ANKS1B: variants seen among roughly 807,000 people sequenced by gnomAD.
ANKS1B encodes the protein ankyrin repeat and sterile alpha motif domain containing 1B, also known as ankyrin repeat and sterile alpha motif domain-containing protein 1B.
In ANKS1B, 36 loss-of-function variants were observed where a neutral mutation model predicts 148.3. That is an observed-to-expected ratio of 0.24 (90% CI 0.19 to 0.32). The LOEUF is 0.32. Ranked by LOEUF, ANKS1B falls within the 10% of genes least tolerant of loss-of-function variation. ANKS1B has a pLI of 1.00. For synonymous variants in ANKS1B, 542 were observed against 560.8 expected, an observed-to-expected ratio of 0.97 and a Z score of 0.47; for missense variants, 1,157 against 1,542.6, an observed-to-expected ratio of 0.75 and a Z score of 4.19.
At chr12:98,884,843 G>A (rs1402181866) in intron 17 of ANKS1B, among the ~76,000 whole-genome samples, 2 of 151,834 alleles carry the variant, frequency 1.3e-5, no homozygotes, top group African/African-American at 4.8e-5. Context: ...TCTATTTGGG[G>A]AGTCTCTCAG....
chr12:99,906,024 G>T (rs1322370587), intron 1 of ANKS1B, among the ~76,000 whole-genome samples: 1 of 152,056 alleles, frequency 6.6e-6, no homozygotes, highest in African/African-American at 2.4e-5. Flanking sequence ...TTGGTTTCAG[G>T]GATATGTTAA....
chr12:99,830,251 T>C (rs2083756161), intron 1 of ANKS1B, among the ~76,000 whole-genome samples: 1 of 152,194 alleles, frequency 6.6e-6, no homozygotes, highest in Admixed American at 6.5e-5. Context: ...TAAATTACAA[T>C]ATAGGCAGTG....
At chr12:98,881,311 A>G (rs2099707436) in intron 17 of ANKS1B, among the ~76,000 whole-genome samples, 1 of 152,210 alleles carries the variant, frequency 6.6e-6, no homozygotes, top group Admixed American at 6.5e-5. Flanking sequence ...CAATCATTCC[A>G]GGTGGCTTTT....
intron 8 of ANKS1B, among the ~76,000 whole-genome samples, chr12:99,718,761 T>C (rs1388796990): frequency 6.6e-6 from 1 of 152,180 alleles, no homozygotes. Context: ...ATGCTTTCTT[T>C]ACTATGCCTT....
intron 15 of ANKS1B, among the ~76,000 whole-genome samples, chr12:99,142,140 G>C (rs2071070660): frequency 6.6e-6 from 1 of 151,988 alleles, no homozygotes. Flanking sequence ...CGGAAGCAGG[G>C]AGGGCTACAA....
intron 14 of ANKS1B, among the ~76,000 whole-genome samples, chr12:99,230,480 T>A (rs1224760500): frequency 1.3e-5 from 2 of 152,140 alleles, no homozygotes; most frequent in East Asian, 3.8e-4. Context: ...GTACCATTTT[T>A]AAACCATTGA....
chr12:99,665,525 C>A (rs1187559572), intron 8 of ANKS1B, among the ~76,000 whole-genome samples: 2 of 151,760 alleles, frequency 1.3e-5, no homozygotes, highest in African/African-American at 2.4e-5. Flanking sequence ...CTCTGTTGCC[C>A]AGGCTGGATG....
At chr12:99,580,841 G>A (rs188745299) in intron 9 of ANKS1B, among the ~76,000 whole-genome samples, 41 of 152,216 alleles carry the variant, frequency 2.7e-4, no homozygotes, top group Non-Finnish European at 5.3e-4. Flanking sequence ...ATGTACCAAT[G>A]TGCCACATGT....
At chr12:98,981,325 T>C (rs903345879) in intron 17 of ANKS1B, among the ~76,000 whole-genome samples, 4 of 151,526 alleles carry the variant, frequency 2.6e-5, no homozygotes, top group African/African-American at 7.3e-5. Flanking sequence ...TTTTTTCTTT[T>C]GTTTTTTGTT....
At chr12:99,227,644 T>C (rs1322741680) in intron 14 of ANKS1B, among the ~76,000 whole-genome samples, 1 of 152,116 alleles carries the variant, frequency 6.6e-6, no homozygotes, top group East Asian at 1.9e-4. Context: ...GTATATACCA[T>C]CAAAAGGCTA....
chr12:99,605,592 T>C (rs969882553), intron 9 of ANKS1B, among the ~76,000 whole-genome samples: 3 of 152,124 alleles, frequency 2.0e-5, no homozygotes, highest in Non-Finnish European at 4.4e-5. Context: ...GCATTTGTCT[T>C]TCTGTGTCTG....
chr12:98,884,201 T>A (rs900915528), intron 17 of ANKS1B, among the ~76,000 whole-genome samples: 2 of 152,250 alleles, frequency 1.3e-5, no homozygotes, highest in Non-Finnish European at 2.9e-5. Context: ...TGTTAGTGTA[T>A]AGACCAAGAT....
At chr12:99,116,911 T>C (rs562505588) in intron 15 of ANKS1B, among the ~76,000 whole-genome samples, 3 of 152,332 alleles carry the variant, frequency 2.0e-5, no homozygotes, top group Admixed American at 2.0e-4. Flanking sequence ...GAAGAGGTCC[T>C]TCACATCCCT....
chr12:98,796,157 T>C (rs2098947365), intron 22 of ANKS1B, among the ~76,000 whole-genome samples: 1 of 152,180 alleles, frequency 6.6e-6, no homozygotes, highest in South Asian at 2.1e-4. Flanking sequence ...ACTCGGTGGA[T>C]TTTAGTCATC....
chr12:98,837,253 C>T (rs1595097740), intron 17 of ANKS1B, among the ~76,000 whole-genome samples: 1 of 151,068 alleles, frequency 6.6e-6, no homozygotes, highest in African/African-American at 2.4e-5. Flanking sequence ...AGGAGAATCA[C>T]TTGAACCCGG....
At chr12:99,158,231 C>G (rs569981021) in intron 14 of ANKS1B, among the ~76,000 whole-genome samples, 4 of 152,242 alleles carry the variant, frequency 2.6e-5, no homozygotes, top group African/African-American at 9.6e-5. Context: ...ACCTAAAATA[C>G]TTTTATGGAG....
At chr12:99,460,875 C>A (rs367846777) in intron 10 of ANKS1B, among the ~76,000 whole-genome samples, 1 of 151,978 alleles carries the variant, frequency 6.6e-6, no homozygotes, top group East Asian at 1.9e-4. Flanking sequence ...ACCATTTGAT[C>A]CAACAATCCC....
At chr12:99,894,615 C>T (rs1298962109) in intron 1 of ANKS1B, among the ~76,000 whole-genome samples, 1 of 139,684 alleles carries the variant, frequency 7.2e-6, no homozygotes, top group Non-Finnish European at 1.7e-5. Context: ...AGGCCTTCAA[C>T]AGAAACTATA....
intron 9 of ANKS1B, among the ~76,000 whole-genome samples, chr12:99,630,661 T>C (rs2098148784): frequency 6.6e-6 from 1 of 152,202 alleles, no homozygotes; most frequent in Non-Finnish European, 1.5e-5. Flanking sequence ...ATTCTTTCAG[T>C]TGTAATCACT....
Sources: allele counts gnomAD v4.1 joint callset (sites outside exome capture counted in the v4.1 genomes callset), GRCh38; gene constraint gnomAD v4.1.1; transcripts MANE v1.5; gene names NCBI Gene and HGNC (gene_info 2026-07-23, HGNC 2026-07-21).